The following RGS6 variants were observed in gnomAD, a reference collection of about 807,000 sequenced individuals.
RGS6 encodes the protein regulator of G-protein signaling 6.
Under a neutral mutation model 78.5 loss-of-function variants are expected in RGS6, and 30 were observed. The observed-to-expected ratio is 0.38, with a 90% CI of 0.29 to 0.52. RGS6 has a LOEUF of 0.52. RGS6 is among the 20% of genes least tolerant of loss of function. RGS6 has a pLI of 0.85. For synonymous variants in RGS6, 206 were observed against 206.0 expected, an observed-to-expected ratio of 1.00 and a Z score of 0.00; for missense variants, 495 against 609.7, an observed-to-expected ratio of 0.81 and a Z score of 1.98.
In RGS6 at chr14:72,560,712, G is replaced by C. The variant is rs1457520209; in HGVS notation, c.1423-1705G>C. On this transcript the variant is annotated intron_variant, in intron 17 of 17. Transcript: ENST00000553525. The stretch of plus-strand genomic sequence containing the variant: ...TAAAAATCTGATTAAAAACTCCTTA[G>C]CCAAGTATAAATGTATCCTGCTGCA... Among the ~76,000 whole-genome samples, 3 of 152,028 alleles carry C rather than the reference G, an allele frequency of 2.0e-5. No individual in the cohort carries two copies. The East Asian group carries it at 5.8e-4, about 29-fold the overall frequency.
At chr14:71,909,239 T>C in the RGS6 span, among the ~76,000 whole-genome samples, 1 of 152,140 alleles carries the variant, frequency 6.6e-6, no homozygotes, top group East Asian at 1.9e-4. Flanking sequence ...TGTAATAGAG[T>C]AGTTTCCAAT....
chr14:72,549,892 G>A (rs2153529711), intron 17 of RGS6, among the ~76,000 whole-genome samples: 1 of 152,234 alleles, frequency 6.6e-6, no homozygotes, highest in East Asian at 1.9e-4. Flanking sequence ...AGAGACCTCG[G>A]ACTGAGGAGA....
intron 1 of RGS6, among the ~76,000 whole-genome samples, chr14:71,941,705 T>G (rs1181031228): frequency 6.6e-6 from 1 of 152,188 alleles, no homozygotes; most frequent in Non-Finnish European, 1.5e-5. Context: ...CTGCTTTATA[T>G]TCGCTGGAAG....
intron 2 of RGS6, among the ~76,000 whole-genome samples, chr14:72,189,011 A>T (rs2097288677): frequency 6.6e-6 from 1 of 152,206 alleles, no homozygotes. Flanking sequence ...AGTAACTCTA[A>T]TCTTTGTGAG....
chr14:72,058,926 CAG>C (rs2093754554), intron 2 of RGS6, among the ~76,000 whole-genome samples: 1 of 152,154 alleles, frequency 6.6e-6, no homozygotes, highest in South Asian at 2.1e-4. Flanking sequence ...TTTTCTGAGA[CAG>C]AGTCTCGCTC....
intron 2 of RGS6, among the ~76,000 whole-genome samples, chr14:72,195,150 G>A (rs181054324): frequency 2.0e-3 from 302 of 152,200 alleles, no homozygotes; most frequent in Middle Eastern, 3.4e-3. Context: ...AGAGGTTGCA[G>A]TGAGCCGAGA....
chr14:72,619,794 T>C, the RGS6 span: 11 of 1,052,272 alleles, frequency 1.0e-5, no homozygotes, highest in African/African-American at 1.6e-4. Flanking sequence ...AGACAAGACA[T>C]GAACATGTAA....
At chr14:72,619,980 T>C in the RGS6 span, 25 of 1,533,896 alleles carry the variant, frequency 1.6e-5, no homozygotes, top group South Asian at 2.2e-4. Context: ...GAAGAGTAGC[T>C]GGTCCTGGTG....
chr14:72,367,758 A>G (rs2190508), intron 3 of RGS6, among the ~76,000 whole-genome samples: 76,472 of 151,990 alleles, frequency 0.5, 21,152 homozygotes, highest in African/African-American at 0.74. Flanking sequence ...TTGGCAATAC[A>G]GTTTGGAGTC....
chr14:72,085,448 A>G (rs2094989325), intron 2 of RGS6, among the ~76,000 whole-genome samples: 1 of 152,176 alleles, frequency 6.6e-6, no homozygotes, highest in African/African-American at 2.4e-5. Context: ...ACCTGGGCCC[A>G]GATATGAGAC....
At chr14:72,336,934 A>T (rs1473342463) in intron 2 of RGS6, among the ~76,000 whole-genome samples, 1 of 152,044 alleles carries the variant, frequency 6.6e-6, no homozygotes, top group East Asian at 1.9e-4. Flanking sequence ...TTATAAGGAC[A>T]TCAGTCATTT....
Position 72,241,143 on chromosome 14 carries a change from G to A in RGS6, c.85-110952G>A, listed in dbSNP as rs550411519. Among the ~76,000 whole-genome samples the A allele has an allele frequency of 2.3e-4, 31 of 135,454 alleles. No homozygotes were observed. In the South Asian group the frequency reaches 5.6e-3, roughly 25 times the overall value. The allele number at this position is 135,454 out of a possible 152,430, so 88.9% of individuals were successfully genotyped here. A position where few individuals can be genotyped will look rare whatever the true frequency, so the allele number is the denominator to read the frequency against. ...CTGCATTCCAGCCTGGTGACAGAGC[G>A]AGACTCTGTCTCAAAAAAAAAAAAA... On this transcript the variant is annotated intron_variant, in intron 2 of 17. Coordinates refer to ENST00000553525, the MANE Select transcript of RGS6 (RefSeq NM_001204424.2).
chr14:72,191,442 G>A (rs1253081158), intron 2 of RGS6, among the ~76,000 whole-genome samples: 2 of 152,140 alleles, frequency 1.3e-5, no homozygotes, highest in South Asian at 4.2e-4. Flanking sequence ...ACATACCCCA[G>A]ATTGGGTAAT....
intron 2 of RGS6, among the ~76,000 whole-genome samples, chr14:71,981,993 C>T (rs1409099952): frequency 6.6e-6 from 1 of 152,144 alleles, no homozygotes; most frequent in Non-Finnish European, 1.5e-5. Flanking sequence ...TCGTGGTGCG[C>T]CGTTTTTTAA....
chr14:71,899,764 A>G, the RGS6 span, among the ~76,000 whole-genome samples: 1 of 152,220 alleles, frequency 6.6e-6, no homozygotes, highest in Non-Finnish European at 1.5e-5. Flanking sequence ...TAGCCCCGCT[A>G]TTACCAAACT....
chr14:72,510,838 G>C (rs1036501065), intron 14 of RGS6, among the ~76,000 whole-genome samples: 1 of 152,184 alleles, frequency 6.6e-6, no homozygotes, highest in African/African-American at 2.4e-5. Flanking sequence ...ACTCCAAATA[G>C]TGGTTACTCT....
intron 2 of RGS6, among the ~76,000 whole-genome samples, chr14:72,148,297 T>TG (rs1444924930): frequency 2.0e-5 from 3 of 151,992 alleles, no homozygotes; most frequent in Non-Finnish European, 4.4e-5. Context: ...CTCAGGAGGC[T>TG]GAGGGTGGGA....
intron 14 of RGS6, among the ~76,000 whole-genome samples, chr14:72,515,216 C>T (rs1041466967): frequency 2.6e-5 from 4 of 151,824 alleles, no homozygotes; most frequent in Non-Finnish European, 5.9e-5. Flanking sequence ...TACCTTCCCC[C>T]TCTCCCTTCT....
chr14:72,373,700 G>A (rs2083993939), intron 3 of RGS6, among the ~76,000 whole-genome samples: 1 of 152,120 alleles, frequency 6.6e-6, no homozygotes, highest in African/African-American at 2.4e-5. Context: ...ATTAATAGGT[G>A]AAAGACAGGA....
Sources: gnomAD v4.1 joint callset for allele counts (sites outside exome capture counted in the v4.1 genomes callset) on GRCh38, gnomAD v4.1.1 for gene constraint, MANE v1.5 for transcripts, NCBI Gene and HGNC (gene_info 2026-07-23, HGNC 2026-07-21) for gene names.